Variants in COL25A1 observed in about 807,000 individuals in gnomAD.
COL25A1 encodes the protein collagen alpha-1(XXV) chain.
Under a neutral mutation model 128.4 loss-of-function variants are expected in COL25A1, and 103 were observed. The observed-to-expected ratio is 0.80, with a 90% CI of 0.68 to 0.94. The LOEUF (loss-of-function observed/expected upper bound fraction) is 0.94. COL25A1 is among the 40% of genes least tolerant of loss of function. COL25A1 has a pLI of 0.00. For missense variants in COL25A1, 745 were observed against 840.0 expected, an observed-to-expected ratio of 0.89 and a Z score of 1.40; for synonymous variants, 279 against 277.2, an observed-to-expected ratio of 1.01 and a Z score of -0.06.
At chr4:109,197,417 TATATTATATATAA>T (rs1170181615) in intron 3 of COL25A1, among the ~76,000 whole-genome samples, 3 of 126,718 alleles carry the variant, frequency 2.4e-5, no homozygotes, top group Non-Finnish European at 4.8e-5. Context: ...ATATATATTA[TATATTATATATAA>T]ATATTATATA....
At chr4:108,993,489 C>A (rs980507378) in intron 6 of COL25A1, among the ~76,000 whole-genome samples, 2 of 152,200 alleles carry the variant, frequency 1.3e-5, no homozygotes, top group South Asian at 4.1e-4. Flanking sequence ...TTTCCCTCAA[C>A]CTCCTTTTCC....
intron 3 of COL25A1, among the ~76,000 whole-genome samples, chr4:109,110,792 T>C (rs1766922612): frequency 6.6e-6 from 1 of 152,164 alleles, no homozygotes; most frequent in African/African-American, 2.4e-5. Flanking sequence ...CAAATAAGTT[T>C]CCAAAGCCCA....
rs142493262 is a variant in COL25A1 at position 108,912,394 on chromosome 4, A to G, written c.780+5778T>C. Among the ~76,000 whole-genome samples, 1,140 of 152,296 alleles carry G rather than the reference A, an allele frequency of 7.5e-3. 9 individuals carry two copies. The highest frequency in any genetic ancestry group is 0.026 in the African/African-American group (1,064 of 41,578). On this transcript the variant is annotated intron_variant, in intron 13 of 37. Coordinates refer to ENST00000399132, the MANE Select transcript of COL25A1 (RefSeq NM_198721.4). ...AAAAAATATAATTCTCACTTTTAAC[A>G]CAAAAAAGATTGAATGGTTGTAAGA... is the stretch of plus-strand genomic sequence containing the variant.
At chr4:109,126,930 A>C (rs965701869) in intron 3 of COL25A1, among the ~76,000 whole-genome samples, 3 of 151,876 alleles carry the variant, frequency 2.0e-5, no homozygotes, top group African/African-American at 7.2e-5. Context: ...AAAAAAAAGA[A>C]ACGTCTCTCT....
chr4:109,054,511 A>G (rs72670335), intron 3 of COL25A1, among the ~76,000 whole-genome samples: 1 of 152,330 alleles, frequency 6.6e-6, no homozygotes, highest in Non-Finnish European at 1.5e-5. Context: ...CATATTCATC[A>G]ATAAGAATAG....
intron 3 of COL25A1, among the ~76,000 whole-genome samples, chr4:109,293,141 C>T (rs912166672): frequency 6.6e-6 from 1 of 151,958 alleles, no homozygotes; most frequent in African/African-American, 2.4e-5. Flanking sequence ...CATCAGAATG[C>T]TAAGAAATGG....
At chr4:108,946,933 G>C (rs542619816) in intron 8 of COL25A1, among the ~76,000 whole-genome samples, 1 of 152,268 alleles carries the variant, frequency 6.6e-6, no homozygotes, top group South Asian at 2.1e-4. Flanking sequence ...AAATTTGTAG[G>C]ACTTGTAACT....
At chr4:109,271,182 T>C (rs1480170894) in intron 3 of COL25A1, among the ~76,000 whole-genome samples, 1 of 152,214 alleles carries the variant, frequency 6.6e-6, no homozygotes, top group Admixed American at 6.5e-5. Context: ...TCTTTTTTAT[T>C]ATTATTGTTA....
intron 5 of COL25A1, among the ~76,000 whole-genome samples, chr4:109,029,544 G>A (rs1758635937): frequency 6.6e-6 from 1 of 151,968 alleles, no homozygotes; most frequent in Admixed American, 6.6e-5. Context: ...TTTTATTATT[G>A]TTGTTGTTCA....
In COL25A1 at chr4:109,083,448, A is replaced by ATTTTTTTTTTTTTT. The variant is rs60165291; in HGVS notation, c.368-33283_368-33270dup. Among the ~76,000 whole-genome samples, 21 of 77,052 alleles carry ATTTTTTTTTTTTTT rather than the reference A, an allele frequency of 2.7e-4. 2 individuals carry two copies. The highest frequency in any genetic ancestry group is 1.6e-3 in the South Asian group (3 of 1,900). The allele number at this position is 77,052 out of a possible 152,430, so 50.5% of individuals were successfully genotyped here. On this transcript the variant is annotated intron_variant, in intron 3 of 37. Transcript: ENST00000399132. ...CACCAATAACTTTTACACTAAATAA[A>ATTTTTTTTTTTTTT]TTTTTTTTTTTTTTTTTTTTTTTTT...
chr4:109,117,129 T>A (rs1767665948), intron 3 of COL25A1, among the ~76,000 whole-genome samples: 2 of 151,696 alleles, frequency 1.3e-5, no homozygotes, highest in African/African-American at 4.8e-5. Context: ...CCAAAATAAA[T>A]GTCAGACACC....
intron 3 of COL25A1, among the ~76,000 whole-genome samples, chr4:109,080,941 T>G (rs992823385): frequency 6.6e-6 from 1 of 152,214 alleles, no homozygotes; most frequent in East Asian, 1.9e-4. Context: ...TTATCTAATT[T>G]GATCCTCATA....
Position 109,236,397 on chromosome 4 carries a change from C to T in COL25A1, c.367+64186G>A, listed in dbSNP as rs996071576. Among the ~76,000 whole-genome samples, 21 of 152,114 alleles carry T rather than the reference C, an allele frequency of 1.4e-4. No homozygotes were observed. In the South Asian group the frequency reaches 4.1e-3, roughly 30 times the overall value. On this transcript the variant is annotated intron_variant, in intron 3 of 37. Coordinates refer to ENST00000399132, the MANE Select transcript of COL25A1 (RefSeq NM_198721.4). ...TTGCTAGGCATCAGAGGCAGCAGAA[C>T]CTGACAGAGAACATTAGTCCTGAAT...
At chr4:109,081,298 A>G (rs1051484513) in intron 3 of COL25A1, among the ~76,000 whole-genome samples, 1 of 152,242 alleles carries the variant, frequency 6.6e-6, no homozygotes, top group Non-Finnish European at 1.5e-5. Flanking sequence ...CTATTCAGAA[A>G]AAAGGGCAAG....
At chr4:108,918,290 G>T in intron 12 of COL25A1, 74 bp from the exon 13 acceptor site, 1 of 1,096,106 alleles carries the variant, frequency 9.1e-7, no homozygotes, top group Non-Finnish European at 1.3e-6. Flanking sequence ...TATTGTATTA[G>T]TTATGTAAGC....
At chr4:109,221,548 T>C (rs771691576) in intron 3 of COL25A1, among the ~76,000 whole-genome samples, 1 of 152,174 alleles carries the variant, frequency 6.6e-6, no homozygotes, top group Non-Finnish European at 1.5e-5. Flanking sequence ...ACATAAAACA[T>C]GTATGCATAT....
intron 3 of COL25A1, among the ~76,000 whole-genome samples, chr4:109,157,519 G>A (rs905976502): frequency 6.6e-6 from 1 of 152,014 alleles, no homozygotes; most frequent in African/African-American, 2.4e-5. Context: ...AGGGAACCTC[G>A]AAGACAATAT....
intron 5 of COL25A1, among the ~76,000 whole-genome samples, chr4:109,031,998 C>T (rs527373091): frequency 6.6e-6 from 1 of 152,230 alleles, no homozygotes; most frequent in African/African-American, 2.4e-5. Flanking sequence ...GTATTGATAG[C>T]TTATCTCTTC....
intron 5 of COL25A1, among the ~76,000 whole-genome samples, chr4:109,038,124 A>C (rs1246347771): frequency 6.6e-6 from 1 of 152,210 alleles, no homozygotes; most frequent in African/African-American, 2.4e-5. Flanking sequence ...TGTGATGGTT[A>C]ATGTGATGTG....
Sources: allele counts gnomAD v4.1 joint callset (sites outside exome capture counted in the v4.1 genomes callset), GRCh38; gene constraint gnomAD v4.1.1; transcripts MANE v1.5; gene names NCBI Gene and HGNC (gene_info 2026-07-23, HGNC 2026-07-21).